Variants in ARHGEF3 observed in about 807,000 individuals in gnomAD.
ARHGEF3 encodes the protein 59.8 kDA protein.
A neutral mutation model predicts 63.2 loss-of-function variants in ARHGEF3; 28 were observed. That is an observed-to-expected ratio of 0.44 (90% CI 0.33 to 0.61). The LOEUF is 0.61. ARHGEF3 is among the 20% of genes least tolerant of loss of function. The pLI is 0.03. For missense variants in ARHGEF3, 533 were observed against 659.3 expected (o/e 0.81, Z 2.10); for synonymous variants, 266 against 254.2 (o/e 1.05, Z -0.44).
intron 2 of ARHGEF3, among the ~76,000 whole-genome samples, chr3:56,966,852 T>A (rs202219850): frequency 9.0e-6 from 1 of 111,076 alleles, no homozygotes. Flanking sequence ...TTTTTTTAAT[T>A]ATTATTATTA....
Position 56,727,676 on chromosome 3 carries a change from G to C in ARHGEF3, c.*1594C>G, listed in dbSNP as rs2032819549. On this transcript the variant is annotated 3_prime_UTR_variant, in exon 10 of 10. Coordinates refer to ENST00000296315, the MANE Select transcript of ARHGEF3 (RefSeq NM_019555.3). Reference sequence around the variant, plus strand: ...TCTGTCTGCAGCAGGTTCACTTGCTGTATCAATAACGACTTGAGAAAGCAG... The same window carrying C: ...TCTGTCTGCAGCAGGTTCACTTGCTCTATCAATAACGACTTGAGAAAGCAG... 1 of 152,508 alleles carries C rather than the reference G, an allele frequency of 6.6e-6. No individual in the cohort carries two copies. The highest frequency in any genetic ancestry group is 1.5e-5 in the Non-Finnish European group (1 of 68,034). 9.4% of individuals were successfully genotyped at this position (152,508 alleles called of 1,614,324 possible).
chr3:56,901,677 G>A (rs1470307689), intron 3 of ARHGEF3, among the ~76,000 whole-genome samples: 1 of 150,386 alleles, frequency 6.6e-6, no homozygotes, highest in African/African-American at 2.4e-5. Context: ...TTAATCTCCT[G>A]GGCTCATGTG....
At chr3:56,821,980 G>T (rs1483404921) in intron 4 of ARHGEF3, among the ~76,000 whole-genome samples, 1 of 99,336 alleles carries the variant, frequency 1.0e-5, no homozygotes, top group Non-Finnish European at 2.2e-5. Flanking sequence ...GAAGAGAAGA[G>T]AAGAGAAGAG....
intron 2 of ARHGEF3, 49 bp from the exon 3 acceptor site, chr3:56,755,200 GTGGA>G (rs2034997758): frequency 6.3e-7 from 1 of 1,583,920 alleles, no homozygotes; most frequent in African/African-American, 1.4e-5. Context: ...GCAGGACTGG[GTGGA>G]TCTTTGAGCA....
chr3:56,819,019 G>A (rs1206583441), intron 4 of ARHGEF3, among the ~76,000 whole-genome samples: 2 of 152,072 alleles, frequency 1.3e-5, no homozygotes, highest in African/African-American at 4.8e-5. Flanking sequence ...TCCATCTAGA[G>A]ATACTGACAG....
chr3:57,059,523 A>C (rs1241017778), intron 1 of ARHGEF3, among the ~76,000 whole-genome samples: 2 of 76,444 alleles, frequency 2.6e-5, no homozygotes, highest in Non-Finnish European at 5.5e-5. Flanking sequence ...GGGGGGAGGG[A>C]GGGTGGTGAG....
At chr3:57,073,937 C>G (rs369566980) in intron 1 of ARHGEF3, 21 of 1,614,078 alleles carry the variant, frequency 1.3e-5, no homozygotes, top group Non-Finnish European at 1.7e-5. Context: ...AAAGTGAGAC[C>G]TGTCAGAGAT....
chr3:56,893,811 C>CAAAAA (rs537483698), intron 3 of ARHGEF3, among the ~76,000 whole-genome samples: 17 of 79,554 alleles, frequency 2.1e-4, no homozygotes, highest in East Asian at 3.5e-4. Flanking sequence ...GACTCTGTCT[C>CAAAAA]AAAAAAAAAA....
chr3:56,930,360 T>G (rs2042378730), intron 3 of ARHGEF3, among the ~76,000 whole-genome samples: 1 of 152,152 alleles, frequency 6.6e-6, no homozygotes, highest in Non-Finnish European at 1.5e-5. Flanking sequence ...TGTTTTGAAC[T>G]CCTCCTATTG....
chr3:57,033,116 T>C (rs1189098111), intron 2 of ARHGEF3, among the ~76,000 whole-genome samples: 1 of 152,174 alleles, frequency 6.6e-6, no homozygotes, highest in African/African-American at 2.4e-5. Context: ...ATCTGAGGCA[T>C]GGCAAGATGG....
chr3:57,042,679 TATATATATATATATATATA>T (rs1395098703), intron 1 of ARHGEF3, among the ~76,000 whole-genome samples: 8,371 of 46,856 alleles, frequency 0.18, 1,140 homozygotes, highest in South Asian at 0.2. Flanking sequence ...TATATATATA[TATATATATATATATATATA>T]TATTTTTTTT....
intron 3 of ARHGEF3, among the ~76,000 whole-genome samples, chr3:56,908,677 TG>T (rs1394703461): frequency 6.6e-6 from 1 of 152,126 alleles, no homozygotes; most frequent in African/African-American, 2.4e-5. Flanking sequence ...TGTATCTGCT[TG>T]GGGGGAAATG....
At chr3:56,968,638 C>T (rs1700773400) in intron 2 of ARHGEF3, among the ~76,000 whole-genome samples, 1 of 151,206 alleles carries the variant, frequency 6.6e-6, no homozygotes. Flanking sequence ...CTATTAGTCA[C>T]ATTTTAAAAG....
At chr3:56,786,672 C>G (rs2036834395) in intron 1 of ARHGEF3, among the ~76,000 whole-genome samples, 1 of 151,938 alleles carries the variant, frequency 6.6e-6, no homozygotes, top group Non-Finnish European at 1.5e-5. Context: ...TAATATGCAA[C>G]CAGATGTATC....
At chr3:57,056,273 G>T (rs1241633939) in intron 1 of ARHGEF3, among the ~76,000 whole-genome samples, 1 of 151,408 alleles carries the variant, frequency 6.6e-6, no homozygotes. Context: ...TGTAATTCCA[G>T]CTACTCGGGA....
At chr3:56,886,520 G>A (rs898101202) in intron 3 of ARHGEF3, among the ~76,000 whole-genome samples, 9 of 152,190 alleles carry the variant, frequency 5.9e-5, no homozygotes, top group African/African-American at 1.9e-4. Flanking sequence ...CTACAGAGTA[G>A]CTCATGGAAG....
intron 4 of ARHGEF3, among the ~76,000 whole-genome samples, chr3:56,821,672 A>G (rs796304486): frequency 3.9e-5 from 6 of 152,248 alleles, no homozygotes; most frequent in African/African-American, 1.4e-4. Context: ...TGACTTTACC[A>G]AAATAAAATA....
intron 4 of ARHGEF3, among the ~76,000 whole-genome samples, chr3:56,848,874 G>T (rs1425046162): frequency 6.6e-6 from 1 of 152,086 alleles, no homozygotes; most frequent in African/African-American, 2.4e-5. Flanking sequence ...TCACCATGTT[G>T]GCCAGGCTCG....
At chr3:56,964,827 G>C (rs1441435926) in intron 2 of ARHGEF3, among the ~76,000 whole-genome samples, 1 of 152,030 alleles carries the variant, frequency 6.6e-6, no homozygotes, top group Non-Finnish European at 1.5e-5. Context: ...GGAAAAGTAG[G>C]CCAAGCCAAA....
Sources: allele counts gnomAD v4.1 joint callset (sites outside exome capture counted in the v4.1 genomes callset), GRCh38; gene constraint gnomAD v4.1.1; transcripts MANE v1.5; gene names NCBI Gene and HGNC (gene_info 2026-07-23, HGNC 2026-07-21).